Variants in VSTM5 observed in about 807,000 individuals in gnomAD.
VSTM5 encodes the protein V-set and transmembrane domain containing 5, also known as V-set and transmembrane domain-containing protein 5.
In VSTM5, 21 loss-of-function variants were observed where a neutral mutation model predicts 20.3. The observed-to-expected ratio is 1.03, with a 90% CI of 0.73 to 1.49. VSTM5 has a LOEUF of 1.49. VSTM5 is among the 40% of genes most tolerant of loss of function. The pLI, the probability that VSTM5 is intolerant of heterozygous loss-of-function variation, is 0.00. For synonymous variants in VSTM5, 100 were observed against 102.5 expected (o/e 0.98, Z 0.14); for missense variants, 219 against 250.0 (o/e 0.88, Z 0.84).
intron 1 of VSTM5, among the ~76,000 whole-genome samples, chr11:93,829,958 A>C (rs1944268413): frequency 6.6e-6 from 1 of 152,188 alleles, no homozygotes; most frequent in Non-Finnish European, 1.5e-5. Flanking sequence ...AGGGAAAGGC[A>C]CTCATTTAAG....
chr11:93,829,022 G>A (rs550486718), intron 1 of VSTM5, among the ~76,000 whole-genome samples: 5 of 152,130 alleles, frequency 3.3e-5, no homozygotes, highest in Admixed American at 2.6e-4. Context: ...GATGAGGGTC[G>A]ATGACACATG....
Position 93,846,117 on chromosome 11 carries a change from C to T in VSTM5, c.91+4295G>A, listed in dbSNP as rs76318609. ...GTGATCCTCCCACCTCGGCCTCCCG[C>T]GTAGCTGGGACTGCAGGTGTGTGCC... On this transcript the variant is annotated intron_variant, in intron 1 of 3. Transcript: ENST00000409977. 7.0e-3 allele frequency among the ~76,000 whole-genome samples: 1,062 copies of T among 152,314 alleles called. 7 individuals are homozygous for T. The highest frequency in any genetic ancestry group is 0.023 in the African/African-American group (976 of 41,566).
At position 93,850,570 on chromosome 11, in the gene VSTM5, C is replaced by T; in HGVS notation, c.-68G>A. 8.5e-7 allele frequency: 1 copy of T among 1,179,116 alleles called. No individual in the cohort carries two copies. Among genetic ancestry groups the T allele is most frequent in the Non-Finnish European group, 1.2e-6 (1 of 854,250 alleles). The allele number at this position is 1,179,116 out of a possible 1,614,324, so 73.0% of individuals were successfully genotyped here. On this transcript the variant is annotated 5_prime_UTR_variant, in exon 1 of 4. Transcript: ENST00000409977. ...CACCGCGCTGCAGCTCCTATGCAGCCTTCTCTCTTCCTCCGCCTCTGGCTG... is the reference window on the plus strand; with the variant it reads ...CACCGCGCTGCAGCTCCTATGCAGCTTTCTCTCTTCCTCCGCCTCTGGCTG...
chr11:93,846,775 T>TG (rs1383976260), intron 1 of VSTM5, among the ~76,000 whole-genome samples: 1,298 of 98,918 alleles, frequency 0.013, 11 homozygotes, highest in African/African-American at 0.051. Context: ...AATTTTTTTT[T>TG]TTTTTTTTTT....
At chr11:93,828,323 T>A (rs2135732231) in intron 1 of VSTM5, among the ~76,000 whole-genome samples, 1 of 152,280 alleles carries the variant, frequency 6.6e-6, no homozygotes, top group East Asian at 1.9e-4. Context: ...TGAGACCCTC[T>A]GGTAACTAAT....
intron 1 of VSTM5, among the ~76,000 whole-genome samples, chr11:93,849,997 A>G (rs1944445226): frequency 1.3e-5 from 2 of 152,264 alleles, no homozygotes; most frequent in African/African-American, 2.4e-5. Flanking sequence ...GGGTCCCCAC[A>G]GTAGGGGGCG....
chr11:93,848,741 T>C (rs1303331181), intron 1 of VSTM5, among the ~76,000 whole-genome samples: 1 of 152,198 alleles, frequency 6.6e-6, no homozygotes, highest in Admixed American at 6.5e-5. Context: ...AACCACCATA[T>C]CCTAGGTACC....
intron 1 of VSTM5, chr11:93,821,868 G>C (rs1944189713): frequency 6.5e-6 from 1 of 152,986 alleles, no homozygotes; most frequent in Non-Finnish European, 1.5e-5. Context: ...GCACATAGTG[G>C]TTGGTCAATA....
intron 1 of VSTM5, among the ~76,000 whole-genome samples, chr11:93,832,837 CA>C (rs1214082643): frequency 1.3e-5 from 2 of 152,174 alleles, no homozygotes; most frequent in Non-Finnish European, 2.9e-5. Flanking sequence ...GACTGGAACC[CA>C]AGTCTCTTTT....
At chr11:93,834,624 A>C (rs1253596234) in intron 1 of VSTM5, among the ~76,000 whole-genome samples, 1 of 151,964 alleles carries the variant, frequency 6.6e-6, no homozygotes, top group Non-Finnish European at 1.5e-5. Flanking sequence ...TCTACAAAAA[A>C]ATACAAAAAT....
chr11:93,833,764 AT>A (rs1944301225), intron 1 of VSTM5, among the ~76,000 whole-genome samples: 1 of 152,044 alleles, frequency 6.6e-6, no homozygotes, highest in Non-Finnish European at 1.5e-5. Context: ...TTCTTTAAAC[AT>A]GTTGGCGCCC....
At chr11:93,833,425 A>C (rs370322089) in intron 1 of VSTM5, among the ~76,000 whole-genome samples, 8 of 152,048 alleles carry the variant, frequency 5.3e-5, no homozygotes, top group African/African-American at 1.9e-4. Flanking sequence ...CAAAAAATAC[A>C]AAAATTAGCT....
chr11:93,850,408 T>C lies in VSTM5; in HGVS notation c.91+4A>G, dbSNP rs1211953167. ...CAGCACCCGGGGCGTCCCCCGGAGC[T>C]TACTCTGCAGACAGCGGGCTGCGGC... is the stretch of plus-strand genomic sequence containing the variant. On this transcript the variant is annotated splice_donor_region_variant and intron_variant, in intron 1 of 3. Coordinates refer to ENST00000409977, the MANE Select transcript of VSTM5 (RefSeq NM_001144871.2). 6.5e-7 allele frequency: 1 copy of C among 1,546,672 alleles called. No homozygotes were observed.
At chr11:93,840,924 G>A (rs1349092680) in intron 1 of VSTM5, among the ~76,000 whole-genome samples, 1 of 151,802 alleles carries the variant, frequency 6.6e-6, no homozygotes, top group East Asian at 1.9e-4. Flanking sequence ...CTGGGGCAGG[G>A]AATCTGAGGC....
At chr11:93,843,491 T>G (rs1257154157) in intron 1 of VSTM5, among the ~76,000 whole-genome samples, 1 of 152,084 alleles carries the variant, frequency 6.6e-6, no homozygotes, top group Non-Finnish European at 1.5e-5. Flanking sequence ...AATGAATGTC[T>G]TTAGGCAAGT....
Position 93,820,903 on chromosome 11 carries a change from G to T in VSTM5, c.419-20C>A. 2.6e-6 allele frequency: 4 copies of T among 1,550,934 alleles called. No individual in the cohort carries two copies. The highest frequency in any genetic ancestry group is 3.5e-6 in the Non-Finnish European group (4 of 1,146,940). On this transcript the variant is annotated intron_variant, in intron 2 of 3. Coordinates refer to ENST00000409977, the MANE Select transcript of VSTM5 (RefSeq NM_001144871.2). Reference sequence around the variant, plus strand: ...GGATCTCTATGGAGTGAGGGTGAGGGGAGGGGGAAGACAACATTTCTTTTA... The same window carrying T: ...GGATCTCTATGGAGTGAGGGTGAGGTGAGGGGGAAGACAACATTTCTTTTA...
chr11:93,833,078 TAA>T (rs1944294904), intron 1 of VSTM5, among the ~76,000 whole-genome samples: 1 of 152,214 alleles, frequency 6.6e-6, no homozygotes, highest in African/African-American at 2.4e-5. Flanking sequence ...AGATGTACTC[TAA>T]GTATAAAATG....
At chr11:93,830,751 G>A (rs2226871) in intron 1 of VSTM5, among the ~76,000 whole-genome samples, 1 of 149,960 alleles carries the variant, frequency 6.7e-6, no homozygotes, top group South Asian at 2.1e-4. Context: ...TTTGTTTTTC[G>A]GTTGGTTCTT....
chr11:93,829,906 C>G (rs1944268076), intron 1 of VSTM5, among the ~76,000 whole-genome samples: 1 of 152,192 alleles, frequency 6.6e-6, no homozygotes, highest in South Asian at 2.1e-4. Context: ...GTACTTTTCA[C>G]TGTCCTAGTA....
Sources: gnomAD v4.1 joint callset for allele counts (sites outside exome capture counted in the v4.1 genomes callset) on GRCh38, gnomAD v4.1.1 for gene constraint, MANE v1.5 for transcripts, NCBI Gene and HGNC (gene_info 2026-07-23, HGNC 2026-07-21) for gene names.